DPP10: variants seen among roughly 807,000 people sequenced by gnomAD.
DPP10 encodes the protein inactive dipeptidyl peptidase 10.
A neutral mutation model predicts 120.9 loss-of-function variants in DPP10; 33 were observed. The observed-to-expected ratio is 0.27, with a 90% CI of 0.21 to 0.37. The LOEUF (loss-of-function observed/expected upper bound fraction) is 0.37. Ranked by LOEUF, DPP10 falls within the 10% of genes least tolerant of loss-of-function variation. The pLI is 1.00. For synonymous variants in DPP10, 337 were observed against 326.1 expected, an observed-to-expected ratio of 1.03 and a Z score of -0.36; for missense variants, 816 against 942.8, an observed-to-expected ratio of 0.87 and a Z score of 1.76.
intron 7 of DPP10, among the ~76,000 whole-genome samples, chr2:115,699,316 C>T (rs2091778627): frequency 6.6e-6 from 1 of 152,156 alleles, no homozygotes; most frequent in Non-Finnish European, 1.5e-5. Context: ...GAACTGATGG[C>T]TTCATGGGTG....
At position 115,462,718 on chromosome 2, in the gene DPP10, G is replaced by C. The variant is rs145418973; in HGVS notation, c.272-36792G>C. On this transcript the variant is annotated intron_variant, in intron 3 of 25. Coordinates refer to ENST00000410059, the MANE Select transcript of DPP10 (RefSeq NM_020868.6). ...TTAGTGATTATTTTCCCTTTGCTCTGATGTTTTTTGTTTTTGTTCCTGCTT... is the reference window on the plus strand; with the variant it reads ...TTAGTGATTATTTTCCCTTTGCTCTCATGTTTTTTGTTTTTGTTCCTGCTT... Among the ~76,000 whole-genome samples the C allele has an allele frequency of 2.2e-3, 334 of 152,134 alleles. 3 individuals carry two copies. The highest frequency in any genetic ancestry group is 1.5e-3 in the Non-Finnish European group (105 of 67,964).
intron 1 of DPP10, among the ~76,000 whole-genome samples, chr2:114,668,046 A>C (rs1698061042): frequency 1.3e-5 from 2 of 152,200 alleles, no homozygotes; most frequent in South Asian, 4.1e-4. Flanking sequence ...GTGGAAATTT[A>C]ACAATCTAGC....
intron 1 of DPP10, among the ~76,000 whole-genome samples, chr2:114,769,073 C>T (rs1472127222): frequency 6.6e-6 from 1 of 152,062 alleles, no homozygotes; most frequent in Non-Finnish European, 1.5e-5. Flanking sequence ...CTGCTTGCTG[C>T]TTAGAGAATG....
chr2:114,903,399 A>C (rs10199420), intron 1 of DPP10, among the ~76,000 whole-genome samples: 2,488 of 152,330 alleles, frequency 0.016, 55 homozygotes, highest in African/African-American at 0.058. Context: ...CATTCCCACC[A>C]GTAATGAATA....
chr2:115,489,352 C>T (rs1355147801), intron 3 of DPP10, among the ~76,000 whole-genome samples: 1 of 151,826 alleles, frequency 6.6e-6, no homozygotes, highest in Non-Finnish European at 1.5e-5. Context: ...ACAGACCAAA[C>T]AGACTCTCTC....
At chr2:114,801,211 C>T (rs1299293561) in intron 1 of DPP10, among the ~76,000 whole-genome samples, 7 of 143,738 alleles carry the variant, frequency 4.9e-5, no homozygotes, top group Non-Finnish European at 1.0e-4. Context: ...TGCGGTGAGC[C>T]GAGATTGTGC....
At chr2:115,609,148 A>G (rs907296195) in intron 5 of DPP10, among the ~76,000 whole-genome samples, 2 of 152,178 alleles carry the variant, frequency 1.3e-5, no homozygotes, top group South Asian at 2.1e-4. Context: ...AATCTCAGAA[A>G]GGGTCTTCAT....
At chr2:114,990,155 G>A (rs994947429) in intron 1 of DPP10, among the ~76,000 whole-genome samples, 1 of 151,990 alleles carries the variant, frequency 6.6e-6, no homozygotes, top group African/African-American at 2.4e-5. Context: ...GGTTTTGCAC[G>A]ATTTAAATAA....
At chr2:114,899,533 T>C (rs1030651010) in intron 1 of DPP10, among the ~76,000 whole-genome samples, 1 of 152,206 alleles carries the variant, frequency 6.6e-6, no homozygotes, top group Non-Finnish European at 1.5e-5. Context: ...TTCATTATAC[T>C]TTTACCACCT....
intron 1 of DPP10, among the ~76,000 whole-genome samples, chr2:114,623,673 A>G (rs900022507): frequency 2.0e-5 from 3 of 152,136 alleles, no homozygotes; most frequent in Admixed American, 6.6e-5. Flanking sequence ...GCCTCATGGC[A>G]AAATGACTTT....
chr2:115,443,789 G>T (rs1167851363), intron 3 of DPP10, among the ~76,000 whole-genome samples: 1 of 152,128 alleles, frequency 6.6e-6, no homozygotes, highest in Non-Finnish European at 1.5e-5. Context: ...CATTGCTCAA[G>T]ATTGAGAATA....
At chr2:115,582,115 A>C (rs2082033531) in intron 5 of DPP10, among the ~76,000 whole-genome samples, 1 of 152,176 alleles carries the variant, frequency 6.6e-6, no homozygotes, top group Admixed American at 6.5e-5. Context: ...CAAGTGCCCC[A>C]TCTGACCCTT....
chr2:115,466,285 T>G (rs843436), intron 3 of DPP10, among the ~76,000 whole-genome samples: 92,407 of 151,998 alleles, frequency 0.61, 30,127 homozygotes, highest in Non-Finnish European at 0.74. Flanking sequence ...TGGTGTTCTT[T>G]AACTTTTAAT....
At chr2:115,781,031 T>C (rs1320295191) in intron 16 of DPP10, 36 bp downstream of exon 16, 2 of 1,486,564 alleles carry the variant, frequency 1.3e-6, no homozygotes, top group South Asian at 1.3e-5. Flanking sequence ...TAATATATTT[T>C]ATTCATTGTA....
At chr2:115,715,275 G>A (rs2092453740) in intron 7 of DPP10, among the ~76,000 whole-genome samples, 1 of 127,490 alleles carries the variant, frequency 7.8e-6, no homozygotes, top group Non-Finnish European at 1.6e-5. Context: ...GGAGGTGGCG[G>A]TTGCAATGAG....
At chr2:115,161,679 G>C in intron 1 of DPP10, 1 of 341,236 alleles carries the variant, frequency 2.9e-6, no homozygotes, top group East Asian at 4.8e-5. Flanking sequence ...CTTGCCGCTT[G>C]GTCTCGCCTC....
intron 5 of DPP10, among the ~76,000 whole-genome samples, chr2:115,599,920 G>C (rs1281386056): frequency 6.6e-6 from 1 of 152,040 alleles, no homozygotes; most frequent in Non-Finnish European, 1.5e-5. Context: ...TTCACCTTAT[G>C]AATGGTCCCA....
chr2:114,555,466 G>A (rs1033584585), intron 1 of DPP10, among the ~76,000 whole-genome samples: 5 of 152,198 alleles, frequency 3.3e-5, no homozygotes, highest in Admixed American at 3.3e-4. Context: ...AGAATGTAAT[G>A]TGGATAAGAA....
chr2:114,786,433 G>A (rs1682773591), intron 1 of DPP10, among the ~76,000 whole-genome samples: 1 of 152,174 alleles, frequency 6.6e-6, no homozygotes, highest in Non-Finnish European at 1.5e-5. Context: ...AGAGAAAGGT[G>A]TCTGCCCAGA....
Sources: allele counts gnomAD v4.1 joint callset (sites outside exome capture counted in the v4.1 genomes callset), GRCh38; gene constraint gnomAD v4.1.1; transcripts MANE v1.5; gene names NCBI Gene and HGNC (gene_info 2026-07-23, HGNC 2026-07-21).